The following SF3B1 variants were observed in gnomAD, a reference collection of about 807,000 sequenced individuals.
SF3B1 encodes the protein splicing factor 3b subunit 1.
In SF3B1, 12 loss-of-function variants were observed where a neutral mutation model predicts 153.8. The ratio of observed to expected loss-of-function variants is 0.08; its 90% CI spans 0.05 to 0.13. The LOEUF (loss-of-function observed/expected upper bound fraction) is 0.13. SF3B1 is among the 10% of genes least tolerant of loss of function. SF3B1 has a pLI of 1.00. For synonymous variants in SF3B1, 498 were observed against 525.2 expected (o/e 0.95, Z 0.71); for missense variants, 513 against 1,606.1 (o/e 0.32, Z 11.63).
chr2:197,434,484 G>C (rs1306103692), intron 1 of SF3B1, among the ~76,000 whole-genome samples: 1 of 152,210 alleles, frequency 6.6e-6, no homozygotes, highest in East Asian at 1.9e-4. Flanking sequence ...AAATAAACAA[G>C]TAACTGACGC....
At chr2:197,426,581 A>G (rs1373211702) in intron 1 of SF3B1, among the ~76,000 whole-genome samples, 2 of 152,298 alleles carry the variant, frequency 1.3e-5, no homozygotes, top group Middle Eastern at 3.4e-3. Context: ...ATGAATCAGG[A>G]GAAATAGTCT....
intron 11 of SF3B1, chr2:197,404,874 A>C: frequency 2.2e-6 from 1 of 445,376 alleles, no homozygotes; most frequent in Non-Finnish European, 4.1e-6. Flanking sequence ...AAAAATTAAA[A>C]ACATTTTTAA....
At chr2:197,432,882 T>TA (rs1559282581) in intron 1 of SF3B1, among the ~76,000 whole-genome samples, 1 of 151,630 alleles carries the variant, frequency 6.6e-6, no homozygotes, top group Non-Finnish European at 1.5e-5. Flanking sequence ...AAATAAAAAA[T>TA]AAAAAAAGAA....
chr2:197,391,100 T>C lies in SF3B1; in HGVS notation c.*1203A>G, dbSNP rs564966359. On this transcript the variant is annotated 3_prime_UTR_variant, in exon 25 of 25. Coordinates refer to ENST00000335508, the MANE Select transcript of SF3B1 (RefSeq NM_012433.4). ...AGTAAAAAGGCCAAAACTAAGAAAT[T>C]TGGGGCCATAACATTAGAAAAGTTT... The C allele has an allele frequency of 1.3e-5, 2 of 152,144 alleles. No individual in the cohort carries two copies. Among genetic ancestry groups the C allele is most frequent in the African/African-American group, 4.8e-5 (2 of 41,432 alleles). 9.4% of individuals were successfully genotyped at this position (152,144 alleles called of 1,614,324 possible).
intron 22 of SF3B1, among the ~76,000 whole-genome samples, chr2:197,397,774 G>A (rs973847367): frequency 6.6e-6 from 1 of 151,308 alleles, no homozygotes; most frequent in African/African-American, 2.4e-5. Context: ...TCCAGCCAGG[G>A]TGACAGAGCG....
At chr2:197,395,494 C>G (rs2084866233) in intron 23 of SF3B1, among the ~76,000 whole-genome samples, 1 of 152,180 alleles carries the variant, frequency 6.6e-6, no homozygotes, top group Non-Finnish European at 1.5e-5. Context: ...TTTGCACTTT[C>G]TTCAGTTACT....
intron 6 of SF3B1, among the ~76,000 whole-genome samples, chr2:197,413,401 G>A (rs994559521): frequency 6.6e-6 from 1 of 152,136 alleles, no homozygotes; most frequent in Non-Finnish European, 1.5e-5. Flanking sequence ...GCAAGACTCT[G>A]TCTCAAAAAT....
intron 6 of SF3B1, 173 bp downstream of exon 6, chr2:197,416,568 T>G: frequency 1.8e-6 from 1 of 566,564 alleles, no homozygotes. Context: ...ACACCAACCC[T>G]GTTGGCACTC....
At position 197,400,174 on chromosome 2, in the gene SF3B1, AAAACAAAT is replaced by A; in HGVS notation, c.2902-16_2902-9del. 1 of 1,605,748 alleles carries A rather than the reference AAAACAAAT, an allele frequency of 6.2e-7. No individual in the cohort carries two copies. The highest frequency in any genetic ancestry group is 8.5e-7 in the Non-Finnish European group (1 of 1,174,974). ...GTGTCCCATCAATTTTTCCTATAAT[AAAACAAAT>A]AATGTTAAAATGTTACTATTTACAT... On this transcript the variant is annotated splice_polypyrimidine_tract_variant and intron_variant, in intron 19 of 24. Transcript: ENST00000335508. The surrounding 1 kb of genome is among the most constrained non-coding windows in gnomAD (Gnocchi z 5.0).
Position 197,400,657 on chromosome 2 carries a change from A to C in SF3B1, c.2718+58T>G. The C allele has an allele frequency of 1.5e-6, 2 of 1,352,814 alleles. No individual in the cohort carries two copies. The highest frequency in any genetic ancestry group is 2.1e-6 in the Non-Finnish European group (2 of 971,538). 83.8% of individuals were successfully genotyped at this position (1,352,814 alleles called of 1,614,324 possible). On this transcript the variant is annotated intron_variant, in intron 18 of 24. Transcript: ENST00000335508. This position sits in a 1 kb window ranked among gnomAD's most constrained non-coding sequence, Gnocchi z 5.0. ...TCTAGAAAAATTTGCTTGACAACTA[A>C]TATGCTTTTCTACAAATATTAAAGT... is the stretch of plus-strand genomic sequence containing the variant.
In SF3B1 at chr2:197,400,626, T is replaced by C. The variant is rs12621129; in HGVS notation, c.2718+89A>G. ...ATTTTAAAAATTACTTCAAATTCAA[T>C]TGCATTCTAGAAAAATTTGCTTGAC... On this transcript the variant is annotated intron_variant, in intron 18 of 24. Transcript: ENST00000335508. The surrounding 1 kb of genome is among the most constrained non-coding windows in gnomAD (Gnocchi z 5.0). 351,982 of 1,101,022 alleles carry C rather than the reference T, an allele frequency of 0.32. 60,344 individuals are homozygous for C. Among genetic ancestry groups the C allele is most frequent in the Admixed American group, 0.43 (18,802 of 43,846 alleles). 68.2% of individuals were successfully genotyped at this position (1,101,022 alleles called of 1,614,324 possible).
chr2:197,428,012 C>A (rs182916955), intron 1 of SF3B1, among the ~76,000 whole-genome samples: 1 of 150,122 alleles, frequency 6.7e-6, no homozygotes, highest in Admixed American at 6.6e-5. Context: ...AGCAAGACTC[C>A]GTCTCAAATT....
intron 1 of SF3B1, among the ~76,000 whole-genome samples, chr2:197,432,226 T>C (rs2085451167): frequency 2.0e-5 from 3 of 152,214 alleles, no homozygotes; most frequent in African/African-American, 7.2e-5. Flanking sequence ...GAAAAAACTT[T>C]TTCAGCTTTG....
At chr2:197,431,477 CCTT>C (rs1170672529) in intron 1 of SF3B1, among the ~76,000 whole-genome samples, 1 of 152,124 alleles carries the variant, frequency 6.6e-6, no homozygotes, top group Admixed American at 6.6e-5. Context: ...ACTTCTTCCT[CCTT>C]GATTTTTATT....
intron 6 of SF3B1, 68 bp from the exon 7 acceptor site, chr2:197,410,075 A>G (rs2085045470): frequency 1.8e-6 from 2 of 1,123,340 alleles, no homozygotes; most frequent in Non-Finnish European, 2.6e-6. Context: ...TCCATAAAAT[A>G]AAAAACTTTA....
chr2:197,429,521 C>A (rs1055424584), intron 1 of SF3B1, among the ~76,000 whole-genome samples: 4 of 152,154 alleles, frequency 2.6e-5, no homozygotes, highest in Non-Finnish European at 5.9e-5. Context: ...CGGTGGCTCA[C>A]GCCTGTAATC....
At chr2:197,426,607 G>A (rs2085340553) in intron 1 of SF3B1, among the ~76,000 whole-genome samples, 1 of 152,134 alleles carries the variant, frequency 6.6e-6, no homozygotes, top group African/African-American at 2.4e-5. Context: ...CTCCTCTACA[G>A]CATTAGTCTA....
chr2:197,411,533 G>A (rs995682121), intron 6 of SF3B1, among the ~76,000 whole-genome samples: 5 of 151,920 alleles, frequency 3.3e-5, no homozygotes, highest in East Asian at 1.9e-4. Context: ...TCAGCCAGGC[G>A]TTGTAGCGGG....
At position 197,392,244 on chromosome 2, in the gene SF3B1, A is replaced by C; in HGVS notation, c.*59T>G. Reference sequence around the variant, plus strand: ...AATGTTTAAAAGTTTACATCACCAAATCAAAGCAAGTTTAAGGTGTGAAGT... The same window carrying C: ...AATGTTTAAAAGTTTACATCACCAACTCAAAGCAAGTTTAAGGTGTGAAGT... On this transcript the variant is annotated 3_prime_UTR_variant, in exon 25 of 25. Coordinates refer to ENST00000335508, the MANE Select transcript of SF3B1 (RefSeq NM_012433.4). 1 of 750,492 alleles carries C rather than the reference A, an allele frequency of 1.3e-6. No homozygotes were observed. The highest frequency in any genetic ancestry group is 2.3e-6 in the Non-Finnish European group (1 of 430,934). The allele number at this position is 750,492 out of a possible 1,614,324, so 46.5% of individuals were successfully genotyped here.
Sources: gnomAD v4.1 joint callset for allele counts (sites outside exome capture counted in the v4.1 genomes callset) on GRCh38, gnomAD v4.1.1 for gene constraint, Gnocchi (gnomAD v3.1) non-coding constraint, MANE v1.5 for transcripts, NCBI Gene and HGNC (gene_info 2026-07-23, HGNC 2026-07-21) for gene names.